Variants in RAB8B observed in about 807,000 individuals in gnomAD.
The protein encoded by RAB8B is RAB8B, member RAS oncogene family.
A neutral mutation model predicts 32.0 loss-of-function variants in RAB8B; 11 were observed. The ratio of observed to expected loss-of-function variants is 0.34; its 90% CI spans 0.22 to 0.57. The LOEUF is 0.57. Among genes scored for constraint, RAB8B ranks in the 20% least tolerant of loss-of-function variants. The pLI, the probability that RAB8B is intolerant of heterozygous loss-of-function variation, is 0.86. For missense variants in RAB8B, 190 were observed against 258.5 expected (o/e 0.73, Z 1.82); for synonymous variants, 103 against 89.6 (o/e 1.15, Z -0.85).
intron 1 of RAB8B, among the ~76,000 whole-genome samples, chr15:63,191,041 G>A (rs1254243400): frequency 6.6e-6 from 1 of 152,178 alleles, no homozygotes; most frequent in Non-Finnish European, 1.5e-5. Context: ...GTTTTAAGCT[G>A]TTTTAGAAGT....
chr15:63,214,678 A>T (rs370669115), intron 1 of RAB8B, among the ~76,000 whole-genome samples: 1 of 152,122 alleles, frequency 6.6e-6, no homozygotes, highest in South Asian at 2.1e-4. Context: ...CTGACAGTGG[A>T]TTTGACCAGA....
At chr15:63,202,787 CAA>C (rs1303405354) in intron 1 of RAB8B, among the ~76,000 whole-genome samples, 2 of 152,176 alleles carry the variant, frequency 1.3e-5, no homozygotes, top group Admixed American at 6.5e-5. Flanking sequence ...CCTTGTTTGG[CAA>C]AGTTTTCCTC....
At chr15:63,225,772 A>G (rs1206796288) in intron 1 of RAB8B, among the ~76,000 whole-genome samples, 2 of 152,150 alleles carry the variant, frequency 1.3e-5, no homozygotes, top group Non-Finnish European at 2.9e-5. Flanking sequence ...GGAGGTGCCC[A>G]CTAATTCTTT....
chr15:63,256,751 G>A (rs940404428), intron 5 of RAB8B, among the ~76,000 whole-genome samples, 157 bp downstream of exon 5: 1 of 152,102 alleles, frequency 6.6e-6, no homozygotes, highest in Non-Finnish European at 1.5e-5. Context: ...CTTGAATGGT[G>A]TGAATTAGTA....
At chr15:63,197,370 C>CTTTTTTTTTTTTTTTTTTTTTTTTT (rs58765418) in intron 1 of RAB8B, among the ~76,000 whole-genome samples, 1 of 61,410 alleles carries the variant, frequency 1.6e-5, no homozygotes, top group African/African-American at 7.2e-5. Context: ...TCTTTCTTTT[C>CTTTTTTTTTTTTTTTTTTTTTTTTT]TTTTTTTTTT....
At chr15:63,204,955 A>C (rs1165257524) in intron 1 of RAB8B, among the ~76,000 whole-genome samples, 1 of 151,466 alleles carries the variant, frequency 6.6e-6, no homozygotes, top group Non-Finnish European at 1.5e-5. Flanking sequence ...CTCAGGAGTT[A>C]GAGACCAGCC....
chr15:63,222,831 A>G (rs1420672678), intron 1 of RAB8B, among the ~76,000 whole-genome samples: 2 of 152,138 alleles, frequency 1.3e-5, no homozygotes, highest in African/African-American at 4.8e-5. Flanking sequence ...GTGAGCCACC[A>G]TGCCCGGCCC....
Position 63,202,089 on chromosome 15 carries a change from TAAA to T in RAB8B, c.124+12369_124+12371del, listed in dbSNP as rs146981058. Among the ~76,000 whole-genome samples, 109 of 85,736 alleles carry T rather than the reference TAAA, an allele frequency of 1.3e-3. 2 individuals are homozygous for T. The highest frequency in any genetic ancestry group is 4.4e-3 in the African/African-American group (94 of 21,516). The allele number at this position is 85,736 out of a possible 152,430, so 56.2% of individuals were successfully genotyped here. On this transcript the variant is annotated intron_variant, in intron 1 of 7. Transcript: ENST00000321437. Reference sequence around the variant, plus strand: ...TAACACGGTGAAACCCCGTCTCTACTAAAAAAAAAAAAAAAAAAAAAAAAAAAA... The same window carrying T: ...TAACACGGTGAAACCCCGTCTCTACTAAAAAAAAAAAAAAAAAAAAAAAAA...
At chr15:63,236,243 A>T (rs374849985) in intron 1 of RAB8B, among the ~76,000 whole-genome samples, 1 of 152,200 alleles carries the variant, frequency 6.6e-6, no homozygotes, top group African/African-American at 2.4e-5. Flanking sequence ...AAAATCTGTT[A>T]GAGAGAGTTT....
Position 63,259,719 on chromosome 15 carries a change from T to TA in RAB8B, c.480+28dup, listed in dbSNP as rs2038187968. 4 of 1,598,854 alleles carry TA rather than the reference T, an allele frequency of 2.5e-6. No individual in the cohort carries two copies. Among genetic ancestry groups the TA allele is most frequent in the East Asian group, 2.2e-5 (1 of 44,768 alleles). On this transcript the variant is annotated intron_variant, in intron 6 of 7. Transcript: ENST00000321437. This position sits in a 1 kb window ranked among gnomAD's most constrained non-coding sequence, Gnocchi z 4.4. Reference sequence around the variant, plus strand: ...TAAGAAGGAAACGTTTGGTGACTGTTACGGAGCAGCACCAGTGCTTAGGGG... The same window carrying TA: ...TAAGAAGGAAACGTTTGGTGACTGTTAACGGAGCAGCACCAGTGCTTAGGGG...
rs1595752889 is a variant in RAB8B, at chr15:63,262,591, C to T, written c.481-101C>T. On this transcript the variant is annotated intron_variant, in intron 6 of 7. Coordinates refer to ENST00000321437, the MANE Select transcript of RAB8B (RefSeq NM_016530.3). ...ATTCAGCCAGGGCAACATAGCAAGA[C>T]CCCATCTCTGAGGCGGGGGGAATAT... The T allele has an allele frequency of 6.9e-5, 25 of 360,474 alleles. No homozygotes were observed. In the East Asian group the frequency reaches 2.0e-3, roughly 29 times the overall value. 22.3% of individuals were successfully genotyped at this position (360,474 alleles called of 1,614,324 possible).
intron 7 of RAB8B, among the ~76,000 whole-genome samples, chr15:63,263,106 T>C (rs1276377926): frequency 6.6e-6 from 1 of 152,214 alleles, no homozygotes; most frequent in Non-Finnish European, 1.5e-5. Flanking sequence ...TTTGAAATCA[T>C]TAAGACAACC....
chr15:63,217,009 T>G (rs752546468), intron 1 of RAB8B, among the ~76,000 whole-genome samples: 13 of 152,194 alleles, frequency 8.5e-5, no homozygotes, highest in Non-Finnish European at 1.2e-4. Flanking sequence ...ATGGGTTGAT[T>G]ACATCTATGT....
At chr15:63,256,424 G>A in intron 4 of RAB8B, 81 bp from the exon 5 acceptor site, 9 of 987,944 alleles carry the variant, frequency 9.1e-6, no homozygotes, top group Non-Finnish European at 1.4e-5. Flanking sequence ...AAATTCATGT[G>A]TTTCTGACAG....
At chr15:63,228,319 G>T (rs1313613486) in intron 1 of RAB8B, among the ~76,000 whole-genome samples, 1 of 152,170 alleles carries the variant, frequency 6.6e-6, no homozygotes, top group African/African-American at 2.4e-5. Context: ...CCCTGCCCCA[G>T]TGAGCTCACT....
chr15:63,203,678 C>T (rs532564625), intron 1 of RAB8B, among the ~76,000 whole-genome samples: 8 of 152,306 alleles, frequency 5.3e-5, no homozygotes, highest in East Asian at 3.9e-4. Flanking sequence ...TGGATTGACC[C>T]GTTTAATTCT....
chr15:63,238,270 C>CTCTG (rs1234836142), intron 1 of RAB8B, among the ~76,000 whole-genome samples: 1 of 151,712 alleles, frequency 6.6e-6, no homozygotes. Context: ...CCAGGATGAC[C>CTCTG]TCTGGTTCTT....
At chr15:63,238,224 T>C (rs2037999739) in intron 1 of RAB8B, among the ~76,000 whole-genome samples, 1 of 152,050 alleles carries the variant, frequency 6.6e-6, no homozygotes, top group South Asian at 2.1e-4. Context: ...TATAGTCCTT[T>C]TAAATTAAAA....
Position 63,263,759 on chromosome 15 carries a change from G to T in RAB8B, c.*140G>T, listed in dbSNP as rs959695583. On this transcript the variant is annotated 3_prime_UTR_variant, in exon 8 of 8. Transcript: ENST00000321437. Reference sequence around the variant, plus strand: ...GAACTTAGACCTCTCAACACAGTATGCCAAGTGGATTCCAGCCTCATGGCC... The same window carrying T: ...GAACTTAGACCTCTCAACACAGTATTCCAAGTGGATTCCAGCCTCATGGCC... 4.8e-5 allele frequency: 28 copies of T among 582,456 alleles called. No individual in the cohort carries two copies. In the Admixed American group the frequency reaches 6.4e-4, roughly 13 times the overall value. 36.1% of individuals were successfully genotyped at this position (582,456 alleles called of 1,614,324 possible).
Sources: gnomAD v4.1 joint callset for allele counts (sites outside exome capture counted in the v4.1 genomes callset) on GRCh38, gnomAD v4.1.1 for gene constraint, Gnocchi (gnomAD v3.1) non-coding constraint, MANE v1.5 for transcripts, NCBI Gene and HGNC (gene_info 2026-07-23, HGNC 2026-07-21) for gene names.